The following MAP3K13 variants were observed in gnomAD, a reference collection of about 807,000 sequenced individuals.
The protein encoded by MAP3K13 is mitogen-activated protein kinase kinase kinase 13, also known as leucine zipper-bearing kinase.
In MAP3K13, 52 loss-of-function variants were observed where a neutral mutation model predicts 104.0. The observed-to-expected ratio is 0.50, with a 90% confidence interval of 0.40 to 0.63. The LOEUF is 0.63. MAP3K13 is among the 20% of genes least tolerant of loss of function. MAP3K13 has a pLI of 0.00. For synonymous variants in MAP3K13, 394 were observed against 442.2 expected (o/e 0.89, Z 1.37); for missense variants, 914 against 1,218.5 (o/e 0.75, Z 3.72).
In MAP3K13 at chr3:185,432,841, C is replaced by T. The variant is rs571176369; in HGVS notation, c.475+3785C>T. Among the ~76,000 whole-genome samples, 5 of 152,322 alleles carry T rather than the reference C, an allele frequency of 3.3e-5. No homozygotes were observed. In the East Asian group the frequency reaches 9.7e-4, roughly 29 times the overall value. ...AGCCCTGGTCAGCTTAAGATTCTGA[C>T]ACAGGCACAGCAGGTGCCTGGCCTT... On this transcript the variant is annotated intron_variant, in intron 2 of 13. Coordinates refer to ENST00000265026, the MANE Select transcript of MAP3K13 (RefSeq NM_004721.5).
At chr3:185,431,037 G>A (rs1460622083) in intron 2 of MAP3K13, among the ~76,000 whole-genome samples, 1 of 152,154 alleles carries the variant, frequency 6.6e-6, no homozygotes, top group African/African-American at 2.4e-5. Context: ...GCAGGAGACA[G>A]AGAAGGGGCA....
chr3:185,330,774 C>A (rs2108706860), intron 2 of MAP3K13, among the ~76,000 whole-genome samples: 1 of 152,280 alleles, frequency 6.6e-6, no homozygotes, highest in East Asian at 1.9e-4. Context: ...CCATCCAGAC[C>A]ACTGCTCGTG....
At chr3:185,403,877 T>C (rs1712958789) in intron 1 of MAP3K13, among the ~76,000 whole-genome samples, 1 of 152,254 alleles carries the variant, frequency 6.6e-6, no homozygotes, top group African/African-American at 2.4e-5. Flanking sequence ...TTATCAACTC[T>C]ATTAACAAGT....
chr3:185,361,033 G>T (rs1723588481), upstream of MAP3K13, among the ~76,000 whole-genome samples: 2 of 151,188 alleles, frequency 1.3e-5, no homozygotes, highest in South Asian at 4.2e-4. Flanking sequence ...CACCATGTTG[G>T]CCAGGCTTGT....
At chr3:185,390,227 G>C (rs907148474) in intron 1 of MAP3K13, among the ~76,000 whole-genome samples, 3 of 152,188 alleles carry the variant, frequency 2.0e-5, no homozygotes, top group African/African-American at 7.2e-5. Context: ...TTTAGTGTGT[G>C]CCAGACACTG....
At chr3:185,456,622 C>T (rs1323627885) in intron 7 of MAP3K13, among the ~76,000 whole-genome samples, 24 of 96,310 alleles carry the variant, frequency 2.5e-4, no homozygotes, top group South Asian at 3.5e-4. Context: ...TTTTTTGAGA[C>T]GGAGTCTTGC....
chr3:185,478,657 G>A (rs528280685), intron 12 of MAP3K13, among the ~76,000 whole-genome samples: 5 of 152,034 alleles, frequency 3.3e-5, no homozygotes, highest in African/African-American at 9.6e-5. Flanking sequence ...TTGGGAGGCT[G>A]AATCAGGAGT....
intron 2 of MAP3K13, among the ~76,000 whole-genome samples, chr3:185,357,572 CA>C (rs1723421847): frequency 6.6e-6 from 1 of 151,692 alleles, no homozygotes. Flanking sequence ...AGTACCTTTG[CA>C]AACTCAGTAT....
intron 10 of MAP3K13, among the ~76,000 whole-genome samples, chr3:185,471,117 G>A (rs1041716710): frequency 6.6e-6 from 1 of 152,166 alleles, no homozygotes; most frequent in African/African-American, 2.4e-5. Context: ...TGAGATGAAT[G>A]AGCAGGAGCA....
At chr3:185,394,035 G>T (rs188303399) in intron 1 of MAP3K13, among the ~76,000 whole-genome samples, 89 of 152,240 alleles carry the variant, frequency 5.8e-4, no homozygotes, top group African/African-American at 2.0e-3. Context: ...GCCAAGATGT[G>T]GATGTTGGAA....
intron 1 of MAP3K13, among the ~76,000 whole-genome samples, chr3:185,373,710 G>A (rs1240076510): frequency 1.3e-5 from 2 of 151,636 alleles, no homozygotes; most frequent in African/African-American, 4.9e-5. Context: ...AATAACAAGA[G>A]AACAAAACTT....
chr3:185,288,350 T>TTA (rs1213541821), intron 2 of MAP3K13, among the ~76,000 whole-genome samples: 1 of 151,784 alleles, frequency 6.6e-6, no homozygotes, highest in African/African-American at 2.4e-5. Flanking sequence ...ACATAGTATA[T>TTA]TATACCTACA....
chr3:185,288,043 T>C (rs1262879534), intron 2 of MAP3K13, among the ~76,000 whole-genome samples: 1 of 152,176 alleles, frequency 6.6e-6, no homozygotes, highest in Non-Finnish European at 1.5e-5. Context: ...TTGCATATAG[T>C]CATTTCTGTT....
chr3:185,294,891 A>G (rs1720864519), intron 2 of MAP3K13, among the ~76,000 whole-genome samples: 1 of 152,140 alleles, frequency 6.6e-6, no homozygotes, highest in Admixed American at 6.5e-5. Flanking sequence ...AATATCTTTC[A>G]AATTATTCAC....
chr3:185,391,729 C>T (rs1398845703), intron 1 of MAP3K13, among the ~76,000 whole-genome samples: 4 of 152,094 alleles, frequency 2.6e-5, no homozygotes, highest in Admixed American at 2.6e-4. Flanking sequence ...TTCCTTTTCT[C>T]CTGCTTTTTT....
intron 2 of MAP3K13, among the ~76,000 whole-genome samples, chr3:185,287,608 C>G (rs1720571241): frequency 6.6e-6 from 1 of 151,876 alleles, no homozygotes; most frequent in Non-Finnish European, 1.5e-5. Flanking sequence ...AAATAATAAT[C>G]TTTATTTTTT....
chr3:185,323,792 G>A (rs1721951273), intron 2 of MAP3K13, among the ~76,000 whole-genome samples: 1 of 152,168 alleles, frequency 6.6e-6, no homozygotes, highest in South Asian at 2.1e-4. Flanking sequence ...GGGTGAAAGT[G>A]TATGTGTTCA....
chr3:185,444,014 G>A (rs1715463778), intron 4 of MAP3K13, among the ~76,000 whole-genome samples: 1 of 152,196 alleles, frequency 6.6e-6, no homozygotes, highest in South Asian at 2.1e-4. Flanking sequence ...TTTCAGAAAT[G>A]TATACAACAG....
Position 185,463,613 on chromosome 3 carries a change from C to T in MAP3K13, c.1342C>T (p.His448Tyr). 6.2e-7 allele frequency: 1 copy of T among 1,613,274 alleles called. No individual in the cohort carries two copies. The highest frequency in any genetic ancestry group is 8.5e-7 in the Non-Finnish European group (1 of 1,179,368). Residue 448 changes from histidine (H) to tyrosine (Y), a missense_variant, in exon 8 of 14, where the codon CAC becomes TAC. His to Tyr is a moderately conservative substitution (Grantham distance 83, BLOSUM62 2). This residue lies in a region of MAP3K13 where 583 missense variants were observed against 737.4 expected (regional missense o/e 0.79). Coordinates refer to ENST00000265026, the MANE Select transcript of MAP3K13 (RefSeq NM_004721.5). ...GATCAAAAGTGAAGGAACTTGTATA[C>T]ACCGGTTAGATGAAGAACTGATTCG... ...EKIKSEGTCI[H>Y]RLDEELIRRR...
Sources: gnomAD v4.1 joint callset for allele counts (sites outside exome capture counted in the v4.1 genomes callset) on GRCh38, gnomAD v4.1.1 for gene constraint, gnomAD v4.1.1 regional missense constraint, MANE v1.5 for transcripts, NCBI Gene and HGNC (gene_info 2026-07-23, HGNC 2026-07-21) for gene names.